Variants in SNX25 observed in about 807,000 individuals in gnomAD.
SNX25 encodes sorting nexin 25.
In SNX25, 62 loss-of-function variants were observed where a neutral mutation model predicts 113.7. That is an observed-to-expected ratio of 0.55 (90% CI 0.44 to 0.67). The LOEUF (loss-of-function observed/expected upper bound fraction) is 0.67. SNX25 is among the 30% of genes least tolerant of loss of function. The pLI, the probability that SNX25 is intolerant of heterozygous loss-of-function variation, is 0.00. For synonymous variants in SNX25, 421 were observed against 436.2 expected, an observed-to-expected ratio of 0.97 and a Z score of 0.43; for missense variants, 1,014 against 1,161.0, an observed-to-expected ratio of 0.87 and a Z score of 1.84.
intron 5 of SNX25, 31 bp from the exon 6 acceptor site, chr4:185,287,981 A>C: frequency 6.4e-7 from 1 of 1,551,850 alleles, no homozygotes. Flanking sequence ...CTTCCTCTTA[A>C]ATCTTTTTCT....
At chr4:185,370,863 GTGTT>G (rs770809370), downstream of SNX25, 3 of 1,598,204 alleles carry the variant, frequency 1.9e-6, no homozygotes, top group South Asian at 3.3e-5. Flanking sequence ...GTTATGGTAA[GTGTT>G]TGTAAAACGA....
upstream of SNX25, among the ~76,000 whole-genome samples, chr4:185,205,368 C>G (rs528974857): frequency 6.6e-5 from 10 of 151,964 alleles, no homozygotes; most frequent in South Asian, 2.1e-3. Context: ...ACAGGAGAAT[C>G]GCTTGAACTC....
At chr4:185,219,362 A>G (rs1324620678) in intron 1 of SNX25, among the ~76,000 whole-genome samples, 4 of 152,146 alleles carry the variant, frequency 2.6e-5, no homozygotes, top group African/African-American at 4.8e-5. Context: ...GATCAAGACC[A>G]TCCTGACTAA....
chr4:185,270,300 A>G (rs1405745806), intron 5 of SNX25, among the ~76,000 whole-genome samples: 1 of 152,170 alleles, frequency 6.6e-6, no homozygotes, highest in Non-Finnish European at 1.5e-5. Flanking sequence ...CAAAGATTAC[A>G]CTGAAGTTCT....
intron 9 of SNX25, among the ~76,000 whole-genome samples, chr4:185,330,805 T>G (rs1468719589): frequency 6.6e-6 from 1 of 152,134 alleles, no homozygotes; most frequent in Non-Finnish European, 1.5e-5. Flanking sequence ...TTTTTTTAAG[T>G]TTTGTTACTT....
At chr4:185,311,986 C>T (rs1293942561) in intron 7 of SNX25, among the ~76,000 whole-genome samples, 1 of 152,186 alleles carries the variant, frequency 6.6e-6, no homozygotes, top group African/African-American at 2.4e-5. Flanking sequence ...TTTTGAGATA[C>T]TGGCATTGTG....
At chr4:185,374,438 C>T (rs1426600314), downstream of SNX25, 1 of 1,613,844 alleles carries the variant, frequency 6.2e-7, no homozygotes, top group African/African-American at 1.3e-5. Flanking sequence ...CAAGAATTTT[C>T]TTCATATAGT....
chr4:185,317,682 A>G (rs1439912651), intron 7 of SNX25, among the ~76,000 whole-genome samples: 1 of 152,168 alleles, frequency 6.6e-6, no homozygotes, highest in Non-Finnish European at 1.5e-5. Context: ...GACATGGATG[A>G]AGCTAGAAAA....
chr4:185,291,775 A>G (rs1752205622), intron 6 of SNX25, among the ~76,000 whole-genome samples: 1 of 152,170 alleles, frequency 6.6e-6, no homozygotes, highest in African/African-American at 2.4e-5. Context: ...GGCACTAGTC[A>G]TATTGGATTG....
At chr4:185,343,892 C>G (rs1346234390) in intron 12 of SNX25, among the ~76,000 whole-genome samples, 3 of 152,026 alleles carry the variant, frequency 2.0e-5, no homozygotes, top group Non-Finnish European at 4.4e-5. Context: ...TCCATGCTAG[C>G]AAGGGGAGGA....
intron 8 of SNX25, among the ~76,000 whole-genome samples, chr4:185,322,760 A>G (rs1328023417): frequency 3.3e-5 from 5 of 152,236 alleles, no homozygotes; most frequent in Non-Finnish European, 7.3e-5. Context: ...AATTTGAAAT[A>G]TTTCAATGGA....
At chr4:185,328,722 C>T (rs760975221) in intron 9 of SNX25, among the ~76,000 whole-genome samples, 12 of 152,088 alleles carry the variant, frequency 7.9e-5, no homozygotes, top group Middle Eastern at 3.2e-3. Flanking sequence ...ATTTGATCTG[C>T]GACAAATCAA....
chr4:185,253,480 T>C (rs892800749), intron 2 of SNX25, among the ~76,000 whole-genome samples: 3 of 151,870 alleles, frequency 2.0e-5, no homozygotes, highest in African/African-American at 7.2e-5. Flanking sequence ...CTTCTTTTTT[T>C]TTTTTGAGAC....
intron 1 of SNX25, among the ~76,000 whole-genome samples, chr4:185,225,557 T>G (rs1207757793): frequency 1.3e-5 from 2 of 152,208 alleles, no homozygotes; most frequent in African/African-American, 4.8e-5. Flanking sequence ...GTGGCCCCAG[T>G]TTGATTGATT....
chr4:185,241,164 C>A (rs901699674), intron 1 of SNX25, among the ~76,000 whole-genome samples: 1 of 151,944 alleles, frequency 6.6e-6, no homozygotes, highest in Admixed American at 6.6e-5. Context: ...CGAGATCACG[C>A]CACTGCACTC....
Position 185,323,112 on chromosome 4 carries a change from G to A in SNX25, c.1477-416G>A, listed in dbSNP as rs951139141. 2.0e-5 allele frequency among the ~76,000 whole-genome samples: 3 copies of A among 152,128 alleles called. No homozygotes were observed. The East Asian group carries it at 5.8e-4, about 29-fold the overall frequency. ...AAGAGTGTTTTTCTCGTTTTTCTGA[G>A]TTACACAATTATTATATTGACTTCT... On this transcript the variant is annotated intron_variant, in intron 8 of 18. Coordinates refer to ENST00000652585, the MANE Select transcript of SNX25 (RefSeq NM_001378034.2).
downstream of SNX25, among the ~76,000 whole-genome samples, chr4:185,373,269 G>T (rs563229045): frequency 2.0e-5 from 3 of 152,162 alleles, no homozygotes; most frequent in Non-Finnish European, 4.4e-5. Context: ...GAGTTCCTCC[G>T]CTGTCTGTCC....
At chr4:185,260,039 T>A (rs958511167) in intron 3 of SNX25, among the ~76,000 whole-genome samples, 4 of 152,178 alleles carry the variant, frequency 2.6e-5, no homozygotes, top group African/African-American at 4.8e-5. Context: ...CGAACTTTTT[T>A]AAAAACTATG....
At chr4:185,360,558 G>A (rs2095356722) in intron 16 of SNX25, among the ~76,000 whole-genome samples, 1 of 152,138 alleles carries the variant, frequency 6.6e-6, no homozygotes, top group African/African-American at 2.4e-5. Context: ...TTTCAATGGA[G>A]AGGCTTTTCT....
Sources: allele counts gnomAD v4.1 joint callset (sites outside exome capture counted in the v4.1 genomes callset), GRCh38; gene constraint gnomAD v4.1.1; transcripts MANE v1.5; gene names NCBI Gene and HGNC (gene_info 2026-07-23, HGNC 2026-07-21).